The following MARCHF1 variants were observed in gnomAD, a reference collection of about 807,000 sequenced individuals.
MARCHF1 encodes E3 ubiquitin-protein ligase MARCHF1.
MARCHF1 carries 40 observed loss-of-function variants against 54.2 expected under a neutral mutation model. That is an observed-to-expected ratio of 0.74 (90% CI 0.57 to 0.96). The LOEUF is 0.96. Among genes scored for constraint, MARCHF1 ranks in the 40% least tolerant of loss-of-function variants. The pLI is 0.00. For missense variants in MARCHF1, 586 were observed against 656.5 expected (o/e 0.89, Z 1.17); for synonymous variants, 236 against 236.3 (o/e 1.00, Z 0.01).
chr4:164,292,169 A>G (rs1249187787), intron 1 of MARCHF1, among the ~76,000 whole-genome samples: 1 of 152,140 alleles, frequency 6.6e-6, no homozygotes, highest in East Asian at 1.9e-4. Flanking sequence ...TAGAACACCT[A>G]TATCTATAAA....
Position 164,096,079 on chromosome 4 carries a change from G to A in MARCHF1, c.-248+15509C>T, listed in dbSNP as rs1755404619. ...CCCATTACTGGGTACATACCCAAAG[G>A]GAAATAAATCATTCTACCTAAAAGA... On this transcript the variant is annotated intron_variant, in intron 2 of 9. Coordinates refer to ENST00000514618, the MANE Select transcript of MARCHF1 (RefSeq NM_001394959.1). Among the ~76,000 whole-genome samples the A allele has an allele frequency of 2.0e-5, 3 of 152,028 alleles. No individual in the cohort carries two copies. In the South Asian group the frequency reaches 6.2e-4, roughly 32 times the overall value.
intron 1 of MARCHF1, among the ~76,000 whole-genome samples, chr4:164,245,155 A>G (rs1732904410): frequency 6.6e-6 from 1 of 152,206 alleles, no homozygotes; most frequent in Non-Finnish European, 1.5e-5. Flanking sequence ...GACACAACAA[A>G]AAAAGAGAAT....
chr4:163,974,267 G>T (rs1752606226), intron 3 of MARCHF1, among the ~76,000 whole-genome samples: 1 of 152,152 alleles, frequency 6.6e-6, no homozygotes, highest in Non-Finnish European at 1.5e-5. Flanking sequence ...GGTCATAAAA[G>T]GTGATACAGG....
At chr4:164,078,687 A>T (rs2111108033) in intron 2 of MARCHF1, among the ~76,000 whole-genome samples, 1 of 152,364 alleles carries the variant, frequency 6.6e-6, no homozygotes, top group Non-Finnish European at 1.5e-5. Flanking sequence ...ACTGAAGTTA[A>T]AATTTCAAGA....
intron 1 of MARCHF1, among the ~76,000 whole-genome samples, chr4:164,230,470 T>C (rs539029077): frequency 6.6e-5 from 10 of 152,052 alleles, no homozygotes; most frequent in African/African-American, 2.4e-4. Context: ...ATGTATATAA[T>C]ATGTGATGAT....
chr4:163,591,065 ATGATTAT>A, intron 7 of MARCHF1, among the ~76,000 whole-genome samples: 1 of 150,994 alleles, frequency 6.6e-6, no homozygotes, highest in African/African-American at 2.5e-5. Context: ...ATTATTTCAT[ATGATTAT>A]TAATTAATTA....
At chr4:163,903,960 G>T (rs1297540941) in intron 3 of MARCHF1, among the ~76,000 whole-genome samples, 1 of 152,064 alleles carries the variant, frequency 6.6e-6, no homozygotes, top group Non-Finnish European at 1.5e-5. Context: ...TTAAATAAAA[G>T]CTATCTAAAT....
intron 2 of MARCHF1, among the ~76,000 whole-genome samples, chr4:164,029,419 G>A (rs1424455880): frequency 6.6e-6 from 1 of 151,886 alleles, no homozygotes; most frequent in South Asian, 2.1e-4. Context: ...GGAGAAATCT[G>A]CCCCCATGAT....
At chr4:163,662,739 G>A (rs1743387930) in intron 5 of MARCHF1, among the ~76,000 whole-genome samples, 1 of 151,658 alleles carries the variant, frequency 6.6e-6, no homozygotes, top group Non-Finnish European at 1.5e-5. Flanking sequence ...AGGCCGGATT[G>A]TTTTTGGGAA....
rs1738140389 is a variant in MARCHF1, at chr4:163,527,167, G to GTATC, written c.*1577_*1580dup. On this transcript the variant is annotated 3_prime_UTR_variant, in exon 10 of 10. Transcript: ENST00000514618. Reference sequence around the variant, plus strand: ...GGACATCTTTCTTTGACAGGCTACTGTATCTATAATCACCGTTAATCTAGC... The same window carrying GTATC: ...GGACATCTTTCTTTGACAGGCTACTGTATCTATCTATAATCACCGTTAATCTAGC... The GTATC allele has an allele frequency of 6.6e-6, 1 of 151,940 alleles. No individual in the cohort carries two copies. The highest frequency in any genetic ancestry group is 6.6e-5 in the Admixed American group (1 of 15,216). 9.4% of individuals were successfully genotyped at this position (151,940 alleles called of 1,614,324 possible).
At chr4:164,144,288 C>A (rs1386467113) in intron 1 of MARCHF1, among the ~76,000 whole-genome samples, 12 of 151,666 alleles carry the variant, frequency 7.9e-5, no homozygotes, top group Admixed American at 3.9e-4. Flanking sequence ...CAAGGATACC[C>A]AGGAATTGAA....
chr4:163,736,364 T>G (rs1561049164), intron 4 of MARCHF1, among the ~76,000 whole-genome samples: 1 of 152,082 alleles, frequency 6.6e-6, no homozygotes. Flanking sequence ...CTAGGAAAAG[T>G]GATGATTCAC....
At chr4:163,892,814 T>C (rs754067239) in intron 3 of MARCHF1, among the ~76,000 whole-genome samples, 7 of 152,082 alleles carry the variant, frequency 4.6e-5, no homozygotes, top group Admixed American at 6.5e-5. Flanking sequence ...GTGCTAGTTA[T>C]AGATGCTGAC....
intron 4 of MARCHF1, among the ~76,000 whole-genome samples, chr4:163,757,565 A>T (rs747053496): frequency 3.9e-5 from 6 of 152,134 alleles, no homozygotes; most frequent in African/African-American, 1.4e-4. Context: ...AAGATAAGTA[A>T]TTTTTTTGTT....
At chr4:163,897,777 C>A (rs1207180843) in intron 3 of MARCHF1, among the ~76,000 whole-genome samples, 3 of 152,086 alleles carry the variant, frequency 2.0e-5, no homozygotes, top group East Asian at 1.9e-4. Context: ...CTTGAAGAGG[C>A]CAGGTGTGGT....
chr4:164,296,687 T>C (rs1734420607), intron 1 of MARCHF1, among the ~76,000 whole-genome samples: 1 of 152,126 alleles, frequency 6.6e-6, no homozygotes, highest in African/African-American at 2.4e-5. Flanking sequence ...TTTAATTTAA[T>C]ATTGATGCCC....
At chr4:163,728,455 C>T (rs36027782) in intron 4 of MARCHF1, among the ~76,000 whole-genome samples, 56,597 of 151,990 alleles carry the variant, frequency 0.37, 11,348 homozygotes, top group Non-Finnish European at 0.44. Flanking sequence ...CTCTCTAGTT[C>T]CTCTTTGATT....
intron 2 of MARCHF1, among the ~76,000 whole-genome samples, chr4:164,110,864 T>G (rs1053618967): frequency 1.3e-5 from 2 of 151,810 alleles, no homozygotes; most frequent in Non-Finnish European, 3.0e-5. Context: ...AAAATCCATT[T>G]GCTTTATATT....
chr4:164,235,333 C>T (rs55964439), intron 1 of MARCHF1, among the ~76,000 whole-genome samples: 29,176 of 152,006 alleles, frequency 0.19, 3,068 homozygotes, highest in Admixed American at 0.32. Flanking sequence ...GTTTTCTTCA[C>T]GTTGGATCTG....
Sources: gnomAD v4.1 joint callset for allele counts (sites outside exome capture counted in the v4.1 genomes callset) on GRCh38, gnomAD v4.1.1 for gene constraint, MANE v1.5 for transcripts, NCBI Gene and HGNC (gene_info 2026-07-23, HGNC 2026-07-21) for gene names.